CNGB3: variants seen among roughly 807,000 people sequenced by gnomAD.
CNGB3 encodes cyclic nucleotide-gated channel beta-3.
Under a neutral mutation model 92.8 loss-of-function variants are expected in CNGB3, and 86 were observed. The observed-to-expected ratio is 0.93, with a 90% CI of 0.78 to 1.11. The LOEUF (loss-of-function observed/expected upper bound fraction) is 1.11. Ranked by LOEUF, CNGB3 falls within the 50% of genes least tolerant of loss-of-function variation. The pLI is 0.00. For synonymous variants in CNGB3, 333 were observed against 332.7 expected (o/e 1.00, Z -0.01); for missense variants, 1,026 against 956.8 (o/e 1.07, Z -0.95).
chr8:86,729,827 A>G lies in CNGB3; in HGVS notation c.212-3170T>C, dbSNP rs1171029015. Among the ~76,000 whole-genome samples, 3 of 152,232 alleles carry G rather than the reference A, an allele frequency of 2.0e-5. No individual in the cohort carries two copies. The East Asian group carries it at 5.8e-4, about 29-fold the overall frequency. ...CTGGCATCTGGGTGAAATGTTGTCA[A>G]CGGCACATTGTGATTCTTCCCAGCT... On this transcript the variant is annotated intron_variant, in intron 2 of 17. Coordinates refer to ENST00000320005, the MANE Select transcript of CNGB3 (RefSeq NM_019098.5).
At chr8:86,705,770 G>A (rs971967594) in intron 3 of CNGB3, among the ~76,000 whole-genome samples, 2 of 152,144 alleles carry the variant, frequency 1.3e-5, no homozygotes, top group African/African-American at 2.4e-5. Context: ...GCCTTAGGTC[G>A]GCAGTGAGAC....
Position 86,631,761 on chromosome 8 carries a change from A to G in CNGB3, c.1320+991T>C, listed in dbSNP as rs115833837. Among the ~76,000 whole-genome samples the G allele has an allele frequency of 3.3e-3, 494 of 151,954 alleles. 1 individual carries two copies. Among genetic ancestry groups the G allele is most frequent in the African/African-American group, 0.011 (462 of 41,442 alleles). Reference sequence around the variant, plus strand: ...TTTTCTACATAGAGTTTACTTTACTACCCCTCTCTGTATTTCATTAACATG... The same window carrying G: ...TTTTCTACATAGAGTTTACTTTACTGCCCCTCTCTGTATTTCATTAACATG... On this transcript the variant is annotated intron_variant, in intron 11 of 17. Coordinates refer to ENST00000320005, the MANE Select transcript of CNGB3 (RefSeq NM_019098.5).
chr8:86,631,149 G>A (rs549125312), intron 11 of CNGB3, among the ~76,000 whole-genome samples: 2 of 152,250 alleles, frequency 1.3e-5, no homozygotes, highest in African/African-American at 2.4e-5. Context: ...ATGTGGTGTG[G>A]TGTATAAAAC....
In CNGB3 at chr8:86,617,833, A is replaced by G. The variant is rs1340302760; in HGVS notation, c.1579-6162T>C. Among the ~76,000 whole-genome samples, 6 of 152,172 alleles carry G rather than the reference A, an allele frequency of 3.9e-5. No homozygotes were observed. The East Asian group carries it at 1.2e-3, about 29-fold the overall frequency. ...CCAGGGACCAGTTTTGTGGAAGACAATTTTTTCACTGATGGGCAGTTATGG... is the reference window on the plus strand; with the variant it reads ...CCAGGGACCAGTTTTGTGGAAGACAGTTTTTTCACTGATGGGCAGTTATGG... On this transcript the variant is annotated intron_variant, in intron 13 of 17. Transcript: ENST00000320005.
chr8:86,729,404 A>G (rs1286038385), intron 2 of CNGB3, among the ~76,000 whole-genome samples: 1 of 152,236 alleles, frequency 6.6e-6, no homozygotes, highest in Non-Finnish European at 1.5e-5. Flanking sequence ...GATAAAATTA[A>G]TTCTAGGTAG....
At chr8:86,621,359 C>T (rs866931573) in intron 13 of CNGB3, among the ~76,000 whole-genome samples, 1 of 152,114 alleles carries the variant, frequency 6.6e-6, no homozygotes, top group Admixed American at 6.5e-5. Context: ...TTAGTACACA[C>T]ATAAATATGT....
intron 2 of CNGB3, among the ~76,000 whole-genome samples, chr8:86,734,384 C>A (rs1378980177): frequency 6.6e-6 from 1 of 151,988 alleles, no homozygotes; most frequent in Admixed American, 6.5e-5. Context: ...GGGAGGCCAC[C>A]CTACTTGTAG....
chr8:86,706,431 A>C (rs2131653029), intron 3 of CNGB3, among the ~76,000 whole-genome samples: 1 of 152,346 alleles, frequency 6.6e-6, no homozygotes, highest in South Asian at 2.1e-4. Context: ...ATGTGAGTAA[A>C]TGCATCGCTC....
chr8:86,641,926 C>T (rs1823196110), intron 10 of CNGB3, among the ~76,000 whole-genome samples: 1 of 151,848 alleles, frequency 6.6e-6, no homozygotes, highest in African/African-American at 2.4e-5. Context: ...TATGATGTAG[C>T]TGGAATTAGA....
chr8:86,616,892 C>G (rs952065378), intron 13 of CNGB3, among the ~76,000 whole-genome samples: 1 of 152,142 alleles, frequency 6.6e-6, no homozygotes. Flanking sequence ...GTGTTTTTAT[C>G]TACACTTGGA....
chr8:86,687,996 A>G (rs1382600063), intron 3 of CNGB3, among the ~76,000 whole-genome samples: 3 of 152,056 alleles, frequency 2.0e-5, no homozygotes, highest in African/African-American at 4.8e-5. Flanking sequence ...ACAGTGAGTA[A>G]TAAGAAAGGA....
chr8:86,660,048 G>T, intron 6 of CNGB3: 2 of 329,232 alleles, frequency 6.1e-6, no homozygotes, highest in South Asian at 5.8e-5. Flanking sequence ...CTGGCACCAG[G>T]GGAAGAGACA....
At chr8:86,735,042 G>GTTTTTTTTTTTTTTT (rs60107723) in intron 2 of CNGB3, among the ~76,000 whole-genome samples, 2 of 85,886 alleles carry the variant, frequency 2.3e-5, no homozygotes, top group Admixed American at 1.5e-4. Flanking sequence ...AATGCCGGTG[G>GTTTTTTTTTTTTTTT]TTTTTTTTTT....
chr8:86,704,710 A>T (rs1000623632), intron 3 of CNGB3, among the ~76,000 whole-genome samples: 1 of 152,178 alleles, frequency 6.6e-6, no homozygotes, highest in African/African-American at 2.4e-5. Flanking sequence ...ACAATTTCTC[A>T]CAGATTAATT....
At chr8:86,637,260 G>A (rs1345386006) in intron 10 of CNGB3, among the ~76,000 whole-genome samples, 3 of 152,166 alleles carry the variant, frequency 2.0e-5, no homozygotes, top group Non-Finnish European at 4.4e-5. Flanking sequence ...TGGACAGGCA[G>A]TTGACCATCT....
At chr8:86,634,618 C>T (rs1823027799) in intron 10 of CNGB3, among the ~76,000 whole-genome samples, 1 of 151,910 alleles carries the variant, frequency 6.6e-6, no homozygotes, top group Non-Finnish European at 1.5e-5. Context: ...GGTTTTGTTA[C>T]AGAGGGACAT....
At chr8:86,715,114 C>A (rs1824826327) in intron 3 of CNGB3, among the ~76,000 whole-genome samples, 1 of 152,092 alleles carries the variant, frequency 6.6e-6, no homozygotes, top group Admixed American at 6.5e-5. Flanking sequence ...ACCCTGCCCA[C>A]CACCTAAGAA....
intron 3 of CNGB3, among the ~76,000 whole-genome samples, chr8:86,698,435 G>A (rs556024603): frequency 6.6e-6 from 1 of 152,172 alleles, no homozygotes; most frequent in African/African-American, 2.4e-5. Flanking sequence ...CTTTAATTGG[G>A]GCAAGGACAT....
intron 15 of CNGB3, among the ~76,000 whole-genome samples, chr8:86,598,627 A>G (rs1233479944): frequency 6.6e-6 from 1 of 152,198 alleles, no homozygotes; most frequent in Non-Finnish European, 1.5e-5. Context: ...ACTCCAGTGA[A>G]AAATCTTTTC....
Sources: gnomAD v4.1 joint callset for allele counts (sites outside exome capture counted in the v4.1 genomes callset) on GRCh38, gnomAD v4.1.1 for gene constraint, MANE v1.5 for transcripts, NCBI Gene and HGNC (gene_info 2026-07-23, HGNC 2026-07-21) for gene names.